Variants in LAMB4 observed in about 807,000 individuals in gnomAD.
LAMB4 encodes laminin subunit beta 4.
LAMB4 carries 196 observed loss-of-function variants against 199.2 expected under a neutral mutation model. That is an observed-to-expected ratio of 0.98 (90% CI 0.88 to 1.11). LAMB4 has a LOEUF of 1.11. Among genes scored for constraint, LAMB4 ranks in the 50% least tolerant of loss-of-function variants. LAMB4 has a pLI of 0.00. For synonymous variants in LAMB4, 744 were observed against 770.6 expected, an observed-to-expected ratio of 0.97 and a Z score of 0.57; for missense variants, 2,080 against 2,171.2, an observed-to-expected ratio of 0.96 and a Z score of 0.83.
At position 108,095,241 on chromosome 7, in the gene LAMB4, C is replaced by T; in HGVS notation, c.1457G>A (p.Cys486Tyr). ...GCAAATACATACAGTGCATTCTTCG[C>T]AGTGTGCTCCGGTGACATATGACAG... ...LCLSYVTGAHCEECTVGYWGL... is the reference protein window; with the variant it reads ...LCLSYVTGAHYEECTVGYWGL... Residue 486 changes from cysteine (C) to tyrosine (Y), a missense_variant, in exon 12 of 34, where the codon TGC (cysteine) becomes TAC (tyrosine). Transcript: ENST00000388781. 1 of 1,613,040 alleles carries T rather than the reference C, an allele frequency of 6.2e-7. No individual in the cohort carries two copies. Among genetic ancestry groups the T allele is most frequent in the Non-Finnish European group, 8.5e-7 (1 of 1,179,108 alleles).
intron 16 of LAMB4, among the ~76,000 whole-genome samples, chr7:108,077,983 T>C (rs2036769317): frequency 6.6e-6 from 1 of 152,220 alleles, no homozygotes. Context: ...CAATTTCTTC[T>C]TCATCTAACG....
chr7:108,052,729 G>A (rs1313377991), intron 25 of LAMB4, among the ~76,000 whole-genome samples: 1 of 152,110 alleles, frequency 6.6e-6, no homozygotes, highest in Non-Finnish European at 1.5e-5. Context: ...TTCTGTTCAG[G>A]GTCCCAACTC....
intron 3 of LAMB4, among the ~76,000 whole-genome samples, chr7:108,114,537 C>T (rs1455633887): frequency 6.6e-6 from 1 of 152,218 alleles, no homozygotes; most frequent in African/African-American, 2.4e-5. Context: ...AATTTCCTTG[C>T]ACATGCAGAG....
chr7:108,070,091 G>GA (rs959696836), intron 17 of LAMB4, among the ~76,000 whole-genome samples: 369 of 149,942 alleles, frequency 2.5e-3, no homozygotes, highest in African/African-American at 7.9e-3. Flanking sequence ...TTGTGGCTAA[G>GA]AAAAAAAAAG....
At chr7:108,027,459 G>T (rs1274617156) in intron 33 of LAMB4, among the ~76,000 whole-genome samples, 1 of 152,032 alleles carries the variant, frequency 6.6e-6, no homozygotes, top group East Asian at 1.9e-4. Context: ...TCCTGACTTT[G>T]GCCCATACTA....
At chr7:108,058,054 T>A (rs1000084442) in intron 23 of LAMB4, 126 bp from the exon 24 acceptor site, 9 of 674,070 alleles carry the variant, frequency 1.3e-5, no homozygotes, top group Non-Finnish European at 5.3e-6. Flanking sequence ...GGAGGAAGGA[T>A]GATTCCCATG....
chr7:108,081,929 TG>T (rs1167649670), intron 14 of LAMB4, among the ~76,000 whole-genome samples: 1 of 152,150 alleles, frequency 6.6e-6, no homozygotes, highest in Admixed American at 6.5e-5. Context: ...TAAAGCAAAG[TG>T]TGAAAATCAG....
chr7:108,103,222 A>G lies in LAMB4; in HGVS notation c.1002T>C (p.Cys334=). 1 of 1,557,382 alleles carries G rather than the reference A, an allele frequency of 6.4e-7. No individual in the cohort carries two copies. Among genetic ancestry groups the G allele is most frequent in the Non-Finnish European group, 8.7e-7 (1 of 1,149,852 alleles). Residue 334 remains cysteine, a synonymous_variant, in exon 10 of 34, where the codon TGT becomes TGC. Coordinates refer to ENST00000388781, the MANE Select transcript of LAMB4 (RefSeq NM_007356.3). The part of the protein sequence containing the change: ...LQDNACRSCS[C]NSHSSRCHFD... ...AGTGACAGCGGCTGGAGTGGCTATT[A>G]CAGCTGCACGCTGAAAGGAGAAGAC... is the stretch of plus-strand genomic sequence containing the variant.
chr7:108,112,414 C>T (rs2038261141), intron 3 of LAMB4, among the ~76,000 whole-genome samples: 3 of 151,822 alleles, frequency 2.0e-5, no homozygotes, highest in Admixed American at 6.5e-5. Flanking sequence ...GCCTCAGTCT[C>T]CTGAGGAGCT....
At chr7:108,108,095 C>T (rs1162639937) in intron 5 of LAMB4, among the ~76,000 whole-genome samples, 1 of 152,022 alleles carries the variant, frequency 6.6e-6, no homozygotes, top group African/African-American at 2.4e-5. Flanking sequence ...TGCATGCCAC[C>T]ATGCCCAGAT....
chr7:108,120,703 T>G (rs533915106), intron 2 of LAMB4, among the ~76,000 whole-genome samples: 1 of 152,368 alleles, frequency 6.6e-6, no homozygotes, highest in East Asian at 1.9e-4. Context: ...CAAAGATTTT[T>G]AAGGACAATA....
At chr7:108,017,210 G>A in the LAMB4 span, among the ~76,000 whole-genome samples, 1 of 152,158 alleles carries the variant, frequency 6.6e-6, no homozygotes, top group African/African-American at 2.4e-5. Flanking sequence ...GTTAGGGAGG[G>A]GGAAGCCTTC....
chr7:108,082,402 C>T (rs932952566), intron 14 of LAMB4, among the ~76,000 whole-genome samples: 1 of 149,298 alleles, frequency 6.7e-6, no homozygotes, highest in Non-Finnish European at 1.5e-5. Flanking sequence ...AGGTAAATTA[C>T]TTCTACAAAG....
At chr7:108,074,445 C>T (rs1418037711) in intron 17 of LAMB4, among the ~76,000 whole-genome samples, 8 of 152,038 alleles carry the variant, frequency 5.3e-5, no homozygotes, top group Admixed American at 3.3e-4. Context: ...CTTGTCTCAC[C>T]GCAACCTCTG....
At chr7:108,123,418 T>G (rs940979566) in intron 1 of LAMB4, among the ~76,000 whole-genome samples, 3 of 152,256 alleles carry the variant, frequency 2.0e-5, no homozygotes, top group African/African-American at 2.4e-5. Context: ...AGAATTCAAT[T>G]GTTTGTGGGA....
intron 16 of LAMB4, among the ~76,000 whole-genome samples, chr7:108,077,443 C>G (rs527801514): frequency 6.6e-6 from 1 of 152,208 alleles, no homozygotes; most frequent in East Asian, 1.9e-4. Context: ...ACCTGTAATC[C>G]CAGCACTTTG....
chr7:108,104,840 C>G (rs1402170024), intron 8 of LAMB4, among the ~76,000 whole-genome samples: 1 of 150,972 alleles, frequency 6.6e-6, no homozygotes, highest in Non-Finnish European at 1.5e-5. Flanking sequence ...AAATACAATA[C>G]TTTTTTTTTG....
intron 29 of LAMB4, among the ~76,000 whole-genome samples, chr7:108,043,447 A>G (rs1315793127): frequency 6.7e-6 from 1 of 150,268 alleles, no homozygotes; most frequent in Non-Finnish European, 1.5e-5. Flanking sequence ...TGGTATTTTG[A>G]GATTATTCTC....
chr7:108,092,600 C>T (rs2037450710), intron 12 of LAMB4, among the ~76,000 whole-genome samples, 184 bp from the exon 13 acceptor site: 1 of 152,178 alleles, frequency 6.6e-6, no homozygotes. Flanking sequence ...TCTCCCATCT[C>T]CAGGATTTGA....
Sources: allele counts gnomAD v4.1 joint callset (sites outside exome capture counted in the v4.1 genomes callset), GRCh38; gene constraint gnomAD v4.1.1; transcripts MANE v1.5; gene names NCBI Gene and HGNC (gene_info 2026-07-23, HGNC 2026-07-21).